CCDC102B: variants seen among roughly 807,000 people sequenced by gnomAD.
The protein encoded by CCDC102B is coiled-coil domain-containing protein 102B.
A neutral mutation model predicts 57.4 loss-of-function variants in CCDC102B; 75 were observed. The observed-to-expected ratio is 1.31, with a 90% CI of 1.08 to 1.58. CCDC102B has a LOEUF of 1.58. Ranked by LOEUF, CCDC102B falls within the 40% of genes most tolerant of loss-of-function variation. CCDC102B has a pLI of 0.00. For synonymous variants in CCDC102B, 206 were observed against 201.9 expected (o/e 1.02, Z -0.17); for missense variants, 636 against 582.6 (o/e 1.09, Z -0.94).
chr18:68,879,078 T>G (rs1405914509), intron 5 of CCDC102B, among the ~76,000 whole-genome samples: 1 of 151,922 alleles, frequency 6.6e-6, no homozygotes, highest in East Asian at 1.9e-4. Flanking sequence ...GTGTTACAGC[T>G]CTTAAGGCAG....
intron 6 of CCDC102B, among the ~76,000 whole-genome samples, chr18:68,999,394 C>A (rs62096577): frequency 6.7e-6 from 1 of 149,194 alleles, no homozygotes; most frequent in African/African-American, 2.5e-5. Flanking sequence ...GCCAGGAGTT[C>A]GAGACTAGCC....
At chr18:68,995,907 G>A (rs2051013966) in intron 6 of CCDC102B, among the ~76,000 whole-genome samples, 1 of 152,194 alleles carries the variant, frequency 6.6e-6, no homozygotes, top group Non-Finnish European at 1.5e-5. Flanking sequence ...CCGCAATGGG[G>A]CTGGTACCCT....
chr18:68,955,349 TTTAA>T (rs2049815458), intron 6 of CCDC102B, among the ~76,000 whole-genome samples: 1 of 152,192 alleles, frequency 6.6e-6, no homozygotes, highest in Non-Finnish European at 1.5e-5. Flanking sequence ...AGCTACATAA[TTTAA>T]TTATTTATGA....
At chr18:68,898,609 C>T (rs538328859) in intron 6 of CCDC102B, among the ~76,000 whole-genome samples, 17 of 151,960 alleles carry the variant, frequency 1.1e-4, no homozygotes, top group Admixed American at 9.2e-4. Context: ...TATAGAAATA[C>T]TTTTTATTTG....
At chr18:68,905,141 G>A (rs1184425602) in intron 6 of CCDC102B, among the ~76,000 whole-genome samples, 2 of 150,042 alleles carry the variant, frequency 1.3e-5, no homozygotes, top group Non-Finnish European at 3.0e-5. Context: ...GTATCAAACA[G>A]GTGATATGTT....
chr18:68,796,397 T>C (rs1339161531), upstream of CCDC102B, among the ~76,000 whole-genome samples: 1 of 152,146 alleles, frequency 6.6e-6, no homozygotes, highest in Non-Finnish European at 1.5e-5. Context: ...GAGATGATGA[T>C]TTCAGTTTAG....
intron 2 of CCDC102B, among the ~76,000 whole-genome samples, chr18:68,751,108 G>T (rs1192120625): frequency 1.3e-5 from 2 of 151,950 alleles, no homozygotes; most frequent in African/African-American, 4.8e-5. Flanking sequence ...AAAAGAGAAA[G>T]ATATAGAGAA....
chr18:68,768,791 C>T (rs906077961), intron 2 of CCDC102B, among the ~76,000 whole-genome samples: 2 of 151,928 alleles, frequency 1.3e-5, no homozygotes, highest in Admixed American at 6.6e-5. Flanking sequence ...TTAGTATGCA[C>T]TGAACATATA....
intron 2 of CCDC102B, among the ~76,000 whole-genome samples, chr18:68,750,476 A>G (rs1201162567): frequency 1.3e-5 from 2 of 152,188 alleles, no homozygotes; most frequent in African/African-American, 2.4e-5. Flanking sequence ...TCATGCTGCT[A>G]TAAAGACACA....
In CCDC102B at chr18:68,874,684, G is replaced by A; in HGVS notation, c.952G>A (p.Gly318Ser). 1 of 1,607,104 alleles carries A rather than the reference G, an allele frequency of 6.2e-7. No individual in the cohort carries two copies. The highest frequency in any genetic ancestry group is 8.5e-7 in the Non-Finnish European group (1 of 1,174,488). The change falls in exon 5 of 8, where the codon GGT (glycine) becomes AGT (serine). Residue 318 changes from glycine to serine, a missense_variant. Transcript: ENST00000360242. ...TCTTTTTCAGTTTGACATTCTTCTTGGTCAACATAATGATGAAATGCAAGA... is the reference window on the plus strand; with the variant it reads ...TCTTTTTCAGTTTGACATTCTTCTTAGTCAACATAATGATGAAATGCAAGA... ...KNVKEFDILL[G>S]QHNDEMQELS... is the part of the protein sequence containing the mutation.
In CCDC102B at chr18:68,809,810, T is replaced by A. The variant is rs546999603; in HGVS notation, c.-16+11629T>A. 5.6e-4 allele frequency among the ~76,000 whole-genome samples: 85 copies of A among 152,310 alleles called. No individual in the cohort carries two copies. In the Middle Eastern group the frequency reaches 0.01, roughly 18 times the overall value. On this transcript the variant is annotated intron_variant, in intron 1 of 7. Transcript: ENST00000360242. ...AGAAATGTTTATTCTTATTCTGCTTTAACAACTTTGAGGAATGAGTAGATA... is the reference window on the plus strand; with the variant it reads ...AGAAATGTTTATTCTTATTCTGCTTAAACAACTTTGAGGAATGAGTAGATA...
At chr18:69,022,271 CCACACACATATATATG>C (rs2051864727) in intron 7 of CCDC102B, among the ~76,000 whole-genome samples, 5 of 149,526 alleles carry the variant, frequency 3.3e-5, no homozygotes, top group Admixed American at 1.3e-4. Context: ...TATATATGGG[CCACACACATATATATG>C]TGGGCACACA....
At chr18:69,006,861 T>A (rs2051364685) in intron 6 of CCDC102B, among the ~76,000 whole-genome samples, 2 of 152,208 alleles carry the variant, frequency 1.3e-5, no homozygotes. Context: ...GTCCTCCTGA[T>A]AACAAGGTGA....
intron 2 of CCDC102B, among the ~76,000 whole-genome samples, chr18:68,732,605 C>T (rs191133706): frequency 1.1e-4 from 17 of 152,200 alleles, no homozygotes; most frequent in Admixed American, 9.8e-4. Flanking sequence ...CCTCAGCCTC[C>T]CAAAGTACTG....
At chr18:68,935,699 T>G (rs1318754924) in intron 6 of CCDC102B, among the ~76,000 whole-genome samples, 1 of 151,912 alleles carries the variant, frequency 6.6e-6, no homozygotes, top group East Asian at 1.9e-4. Flanking sequence ...AGATTTTGCC[T>G]TGAAGTTTTC....
At chr18:68,942,853 C>T (rs558484092) in intron 6 of CCDC102B, among the ~76,000 whole-genome samples, 14 of 144,980 alleles carry the variant, frequency 9.7e-5, no homozygotes, top group African/African-American at 3.2e-4. Context: ...AGGTCTTTCC[C>T]TTCCCACGAG....
intron 6 of CCDC102B, among the ~76,000 whole-genome samples, chr18:68,973,511 C>T (rs2050353133): frequency 6.6e-6 from 1 of 152,024 alleles, no homozygotes; most frequent in African/African-American, 2.4e-5. Context: ...AGCTTAGCAA[C>T]CATCGACATG....
intron 4 of CCDC102B, among the ~76,000 whole-genome samples, chr18:68,849,060 A>C (rs571010485): frequency 6.6e-4 from 101 of 152,188 alleles, no homozygotes; most frequent in African/African-American, 2.3e-3. Flanking sequence ...TATTTCATAA[A>C]TATTTATAAA....
intron 2 of CCDC102B, among the ~76,000 whole-genome samples, chr18:68,784,430 G>C (rs1040793729): frequency 6.6e-6 from 1 of 152,006 alleles, no homozygotes; most frequent in Non-Finnish European, 1.5e-5. Context: ...CCATGATCCA[G>C]TCACCTCCCA....
Sources: gnomAD v4.1 joint callset for allele counts (sites outside exome capture counted in the v4.1 genomes callset) on GRCh38, gnomAD v4.1.1 for gene constraint, MANE v1.5 for transcripts, NCBI Gene and HGNC (gene_info 2026-07-23, HGNC 2026-07-21) for gene names.